The following KAZN variants were observed in gnomAD, a reference collection of about 807,000 sequenced individuals.
The protein encoded by KAZN is kazrin, periplakin interacting protein.
A neutral mutation model predicts 87.4 loss-of-function variants in KAZN; 40 were observed. That is an observed-to-expected ratio of 0.46 (90% CI 0.36 to 0.60). The LOEUF is 0.60. Among genes scored for constraint, KAZN ranks in the 20% least tolerant of loss-of-function variants. KAZN has a pLI of 0.00. For missense variants in KAZN, 898 were observed against 1,073.9 expected, an observed-to-expected ratio of 0.84 and a Z score of 2.29; for synonymous variants, 466 against 458.3, an observed-to-expected ratio of 1.02 and a Z score of -0.22.
rs1037699190 is a variant in KAZN, at chr1:15,094,816, T to G, written c.1430T>G (p.Val477Gly). The G allele has an allele frequency of 1.9e-6, 3 of 1,548,470 alleles. No homozygotes were observed. Among genetic ancestry groups the G allele is most frequent in the Non-Finnish European group, 2.6e-6 (3 of 1,145,184 alleles). ...ACTENVKSGKVLLSLSDEDLQ... is the reference protein window; with the variant it reads ...ACTENVKSGKGLLSLSDEDLQ... ...TATGACACTCCCTCCCGGGGGCAGG[T>G]GCTGCTGAGCCTGAGTGACGAGGAC... The change falls in exon 10 of 15, where the codon GTG (valine) becomes GGG (glycine). Residue 477 changes from valine (V) to glycine (G), a missense_variant and splice_region_variant. By Grantham distance (109) the Val-to-Gly change is moderately radical (BLOSUM62 -3). This residue lies in a region of KAZN where 521 missense variants were observed against 689.4 expected (regional missense o/e 0.76). Coordinates refer to ENST00000376030, the MANE Select transcript of KAZN (RefSeq NM_201628.3). The surrounding 1 kb of genome is among the most constrained non-coding windows in gnomAD (Gnocchi z 4.5).
intron 2 of KAZN, among the ~76,000 whole-genome samples, chr1:14,432,862 T>C (rs1228818308): frequency 6.6e-6 from 1 of 152,212 alleles, no homozygotes; most frequent in Non-Finnish European, 1.5e-5. Flanking sequence ...CTGAGAATGA[T>C]GGCTTCCAGC....
intron 1 of KAZN, among the ~76,000 whole-genome samples, chr1:14,642,699 TC>T (rs1285564339): frequency 1.3e-5 from 2 of 152,306 alleles, no homozygotes; most frequent in South Asian, 2.1e-4. Context: ...TATTGAATGT[TC>T]CCAAGACAAA....
chr1:14,979,666 G>C (rs568804883), intron 2 of KAZN, among the ~76,000 whole-genome samples: 1 of 152,142 alleles, frequency 6.6e-6, no homozygotes, highest in East Asian at 2.0e-4. Context: ...CTCAGGGGAA[G>C]GGGCCCTGAG....
intron 1 of KAZN, among the ~76,000 whole-genome samples, chr1:14,614,009 A>G (rs1469247759): frequency 1.3e-5 from 2 of 152,186 alleles, no homozygotes; most frequent in Non-Finnish European, 2.9e-5. Flanking sequence ...CCTGGTATGA[A>G]TACCAGAAAG....
intron 1 of KAZN, among the ~76,000 whole-genome samples, chr1:13,894,879 T>C (rs1369711502): frequency 2.0e-5 from 3 of 152,184 alleles, no homozygotes; most frequent in African/African-American, 7.2e-5. Context: ...AAACTGGATG[T>C]GTCTGCACAG....
At chr1:14,555,054 C>A (rs1474987745) in intron 2 of KAZN, among the ~76,000 whole-genome samples, 1 of 152,172 alleles carries the variant, frequency 6.6e-6, no homozygotes, top group Non-Finnish European at 1.5e-5. Context: ...TCATCAAATA[C>A]CTCTCCAAGA....
At chr1:14,275,639 T>A (rs1360001272) in intron 2 of KAZN, among the ~76,000 whole-genome samples, 2 of 152,212 alleles carry the variant, frequency 1.3e-5, no homozygotes, top group Non-Finnish European at 2.9e-5. Flanking sequence ...GCCATTCATT[T>A]TACAGCGATT....
intron 1 of KAZN, among the ~76,000 whole-genome samples, chr1:14,936,540 T>G (rs1660477651): frequency 6.6e-6 from 1 of 152,128 alleles, no homozygotes; most frequent in Non-Finnish European, 1.5e-5. Flanking sequence ...TCGGCTACTT[T>G]TGCCATATAG....
intron 2 of KAZN, among the ~76,000 whole-genome samples, chr1:14,514,608 T>TTAA (rs1177927081): frequency 2.0e-4 from 5 of 25,014 alleles, no homozygotes; most frequent in Admixed American, 6.0e-4. Flanking sequence ...TATATATATA[T>TTAA]ATATATATAT....
intron 1 of KAZN, among the ~76,000 whole-genome samples, chr1:14,699,150 A>G (rs568878191): frequency 2.2e-4 from 34 of 151,710 alleles, no homozygotes; most frequent in African/African-American, 7.7e-4. Context: ...AAGGTCCAGG[A>G]TCATGAGATC....
At chr1:15,034,624 C>T in intron 2 of KAZN, 125 bp from the exon 3 acceptor site, 6 of 1,171,618 alleles carry the variant, frequency 5.1e-6, no homozygotes, top group South Asian at 1.6e-5. Flanking sequence ...AGGGACATTT[C>T]GTCTTTCTGA....
intron 2 of KAZN, among the ~76,000 whole-genome samples, chr1:14,205,905 A>AAAAAAAAAAAAAAAAAT (rs1557559797): frequency 2.0e-5 from 1 of 49,438 alleles, no homozygotes; most frequent in Admixed American, 2.7e-4. Flanking sequence ...AAAAAAAAAA[A>AAAAAAAAAAAAAAAAAT]AGCTACCTAA....
chr1:13,931,446 G>GA (rs1640505948), intron 1 of KAZN, among the ~76,000 whole-genome samples: 1 of 98,932 alleles, frequency 1.0e-5, no homozygotes, highest in African/African-American at 3.7e-5. Context: ...TCAGCCAGAG[G>GA]GGTGTGTGTG....
At chr1:15,023,048 C>A (rs1187945412) in intron 2 of KAZN, among the ~76,000 whole-genome samples, 3 of 152,236 alleles carry the variant, frequency 2.0e-5, no homozygotes, top group Non-Finnish European at 4.4e-5. Context: ...CTTCAGGTGG[C>A]CTCTAGGCTA....
intron 1 of KAZN, among the ~76,000 whole-genome samples, chr1:14,803,046 A>G (rs921222083): frequency 5.3e-5 from 8 of 152,118 alleles, no homozygotes; most frequent in Non-Finnish European, 1.2e-4. Flanking sequence ...GAGTTACATT[A>G]TGTATGCAAA....
chr1:14,781,198 T>G (rs1238081146), intron 1 of KAZN, among the ~76,000 whole-genome samples: 1 of 152,202 alleles, frequency 6.6e-6, no homozygotes, highest in East Asian at 1.9e-4. Context: ...GGCAGGCACC[T>G]GTAGTCCCAG....
chr1:14,620,631 A>T (rs1453498504), intron 1 of KAZN, among the ~76,000 whole-genome samples: 1 of 152,052 alleles, frequency 6.6e-6, no homozygotes, highest in Non-Finnish European at 1.5e-5. Context: ...AATACCAAGA[A>T]GTTTGTAGGG....
intron 1 of KAZN, among the ~76,000 whole-genome samples, chr1:14,830,241 T>C (rs1647015481): frequency 6.6e-6 from 1 of 152,182 alleles, no homozygotes; most frequent in African/African-American, 2.4e-5. Flanking sequence ...CCCTGAGCCG[T>C]AGCAGGTGGC....
At chr1:14,514,616 TA>T (rs1298312175) in intron 2 of KAZN, among the ~76,000 whole-genome samples, 3 of 28,286 alleles carry the variant, frequency 1.1e-4, no homozygotes, top group Non-Finnish European at 1.4e-4. Context: ...TATATATATA[TA>T]TATATATATA....
Sources: gnomAD v4.1 joint callset for allele counts (sites outside exome capture counted in the v4.1 genomes callset) on GRCh38, gnomAD v4.1.1 for gene constraint, gnomAD v4.1.1 regional missense constraint, Gnocchi (gnomAD v3.1) non-coding constraint, MANE v1.5 for transcripts, NCBI Gene and HGNC (gene_info 2026-07-23, HGNC 2026-07-21) for gene names.